The following GADL1 variants were observed in gnomAD, a reference collection of about 807,000 sequenced individuals.
GADL1 encodes the protein acidic amino acid decarboxylase GADL1.
Under a neutral mutation model 69.5 loss-of-function variants are expected in GADL1, and 71 were observed. The observed-to-expected ratio is 1.02, with a 90% CI of 0.84 to 1.25. GADL1 has a LOEUF of 1.25. Ranked by LOEUF, GADL1 falls within the 50% of genes most tolerant of loss-of-function variation. The probability of loss-of-function intolerance (pLI) is 0.00; values close to 1 mark genes in which losing one functional copy is unlikely to be tolerated. For missense variants in GADL1, 737 were observed against 631.8 expected (o/e 1.17, Z -1.79); for synonymous variants, 254 against 214.4 (o/e 1.18, Z -1.62).
At chr3:30,750,727 G>A (rs1054465050) in intron 14 of GADL1, among the ~76,000 whole-genome samples, 7 of 151,612 alleles carry the variant, frequency 4.6e-5, no homozygotes, top group Admixed American at 2.0e-4. Context: ...ATACATATAC[G>A]TATATGTAAT....
intron 1 of GADL1, among the ~76,000 whole-genome samples, chr3:30,888,565 A>G (rs948272861): frequency 2.6e-5 from 4 of 152,146 alleles, no homozygotes; most frequent in African/African-American, 4.8e-5. Flanking sequence ...GATTTTTCCC[A>G]TTCCATACCT....
chr3:30,740,928 ATATAT>A lies in GADL1; in HGVS notation c.1393-12518_1393-12514del, dbSNP rs1392937920. 3.2e-4 allele frequency among the ~76,000 whole-genome samples: 45 copies of A among 138,576 alleles called. No homozygotes were observed. In the East Asian group the frequency reaches 3.8e-3, roughly 12 times the overall value. 90.9% of individuals were successfully genotyped at this position (138,576 alleles called of 152,430 possible). A position where few individuals can be genotyped will look rare whatever the true frequency, so the allele number is the denominator to read the frequency against. ...TATATATCTAATATATAAAAAACAA[ATATAT>A]TATATTTGATATATCAAATATATTT... On this transcript the variant is annotated intron_variant, in intron 14 of 14. Coordinates refer to ENST00000282538, the MANE Select transcript of GADL1 (RefSeq NM_207359.3).
chr3:30,825,132 G>C (rs1019790422), intron 11 of GADL1, among the ~76,000 whole-genome samples: 1 of 151,852 alleles, frequency 6.6e-6, no homozygotes, highest in African/African-American at 2.4e-5. Context: ...GTGTACTTGT[G>C]AATTATATGC....
At chr3:30,861,418 C>T (rs1339092673) in intron 2 of GADL1, among the ~76,000 whole-genome samples, 175 bp downstream of exon 2, 1 of 151,770 alleles carries the variant, frequency 6.6e-6, no homozygotes, top group Non-Finnish European at 1.5e-5. Flanking sequence ...CCTTCAAGGA[C>T]AGCAGGAATT....
At position 30,857,044 on chromosome 3, in the gene GADL1, C is replaced by T. The variant is rs539785730; in HGVS notation, c.308G>A (p.Arg103Gln). 1.2e-5 allele frequency: 19 copies of T among 1,549,564 alleles called. No homozygotes were observed. The highest frequency in any genetic ancestry group is 3.9e-5 in the Admixed American group (2 of 50,934). ...EPPHKLLELC[R>Q]DVIHYSVKTN... is the part of the protein sequence containing the mutation. ...TTTGACACTGTAGTGTATGACATCC[C>T]GACAGAGTTCCAATAGTTTATGGGG... Residue 103 changes from arginine to glutamine, a missense_variant, in exon 3 of 15, where the codon CGG (arginine) becomes CAG (glutamine). Transcript: ENST00000282538.
chr3:30,743,643 C>A lies in GADL1; in HGVS notation c.1393-15228G>T, dbSNP rs1217628517. 2.0e-5 allele frequency among the ~76,000 whole-genome samples: 3 copies of A among 152,186 alleles called. No homozygotes were observed. The East Asian group carries it at 5.8e-4, about 29-fold the overall frequency. ...AACCACTCTGAGAATTCACAACACA[C>A]TCTGATTCCCTGAGTGGATGGTTAG... On this transcript the variant is annotated intron_variant, in intron 14 of 14. Coordinates refer to ENST00000282538, the MANE Select transcript of GADL1 (RefSeq NM_207359.3).
intron 14 of GADL1, among the ~76,000 whole-genome samples, chr3:30,777,799 G>C (rs1696569726): frequency 6.6e-6 from 1 of 152,168 alleles, no homozygotes; most frequent in Admixed American, 6.5e-5. Context: ...AAAAGTATCA[G>C]ATTTAGACTT....
chr3:30,771,694 T>TA (rs1464299109), intron 14 of GADL1, among the ~76,000 whole-genome samples: 1 of 152,212 alleles, frequency 6.6e-6, no homozygotes, highest in Non-Finnish European at 1.5e-5. Flanking sequence ...GCTGCACCTT[T>TA]AAAGACACAG....
intron 14 of GADL1, among the ~76,000 whole-genome samples, chr3:30,751,748 G>T (rs546655039): frequency 6.6e-6 from 1 of 152,288 alleles, no homozygotes; most frequent in South Asian, 2.1e-4. Flanking sequence ...CTAGATTTCT[G>T]CTGCGCTGGT....
In GADL1 at chr3:30,830,124, C is replaced by T. The variant is rs1201915492; in HGVS notation, c.1050+3729G>A. ...CTCTGATCTCCTCTCACCTTTCTTC[C>T]CTGAAACATGGTCATAAATAATTAT... On this transcript the variant is annotated intron_variant, in intron 11 of 14. Transcript: ENST00000282538. Among the ~76,000 whole-genome samples the T allele has an allele frequency of 2.0e-5, 3 of 151,736 alleles. No individual in the cohort carries two copies. In the East Asian group the frequency reaches 5.9e-4, roughly 30 times the overall value.
intron 14 of GADL1, among the ~76,000 whole-genome samples, chr3:30,752,901 T>C (rs1695863550): frequency 6.6e-6 from 1 of 152,198 alleles, no homozygotes; most frequent in Non-Finnish European, 1.5e-5. Flanking sequence ...TATAAGATGA[T>C]GGCAAGCTGG....
Position 30,854,650 on chromosome 3 carries a change from A to C in GADL1, c.428+49T>G. The C allele has an allele frequency of 5.5e-6, 6 of 1,083,552 alleles. No homozygotes were observed. The East Asian group carries it at 7.7e-5, about 14-fold the overall frequency. The allele number at this position is 1,083,552 out of a possible 1,614,324, so 67.1% of individuals were successfully genotyped here. ...TTTGAAATAAAATTTCATCTACTTA[A>C]AGTCTCTAATCCACGTTTGGTGTGA... On this transcript the variant is annotated intron_variant, in intron 4 of 14. Coordinates refer to ENST00000282538, the MANE Select transcript of GADL1 (RefSeq NM_207359.3).
chr3:30,797,079 TATA>T (rs1205211462), intron 12 of GADL1, among the ~76,000 whole-genome samples: 3 of 152,170 alleles, frequency 2.0e-5, no homozygotes, highest in Non-Finnish European at 4.4e-5. Flanking sequence ...CAGCTACAGA[TATA>T]ATACAATCAG....
chr3:30,821,341 A>G (rs1257700928), intron 11 of GADL1, among the ~76,000 whole-genome samples: 1 of 152,092 alleles, frequency 6.6e-6, no homozygotes, highest in East Asian at 1.9e-4. Context: ...ATAATAAAGA[A>G]AAAAAGAAAA....
At chr3:30,741,250 C>A (rs1289638348) in intron 14 of GADL1, among the ~76,000 whole-genome samples, 1 of 147,098 alleles carries the variant, frequency 6.8e-6, no homozygotes, top group Non-Finnish European at 1.5e-5. Flanking sequence ...TACTTAAGCT[C>A]TCTCTGCCCA....
intron 14 of GADL1, among the ~76,000 whole-genome samples, chr3:30,732,503 T>C (rs1296680238): frequency 6.6e-6 from 1 of 152,136 alleles, no homozygotes; most frequent in East Asian, 1.9e-4. Flanking sequence ...CCATCAGTGA[T>C]TTAGTCATTT....
intron 1 of GADL1, among the ~76,000 whole-genome samples, chr3:30,885,528 T>G (rs187477433): frequency 1.2e-4 from 18 of 152,150 alleles, no homozygotes; most frequent in Non-Finnish European, 2.2e-4. Flanking sequence ...TACAAACTCA[T>G]TACAGAAAAT....
chr3:30,841,039 A>AT (rs1447234521), intron 8 of GADL1, among the ~76,000 whole-genome samples: 1 of 152,220 alleles, frequency 6.6e-6, no homozygotes, highest in Non-Finnish European at 1.5e-5. Flanking sequence ...TTTTCAATGG[A>AT]TTGTCATAGG....
chr3:30,791,673 T>A (rs2125502242), intron 12 of GADL1, among the ~76,000 whole-genome samples: 1 of 152,230 alleles, frequency 6.6e-6, no homozygotes, highest in South Asian at 2.1e-4. Context: ...AATGTTCCTA[T>A]CGCAGTCACT....
Sources: allele counts gnomAD v4.1 joint callset (sites outside exome capture counted in the v4.1 genomes callset), GRCh38; gene constraint gnomAD v4.1.1; transcripts MANE v1.5; gene names NCBI Gene and HGNC (gene_info 2026-07-23, HGNC 2026-07-21).